The following CTNNA3 variants were observed in gnomAD, a reference collection of about 807,000 sequenced individuals.
CTNNA3 encodes catenin alpha 3, also known as catenin alpha-3.
In CTNNA3, 76 loss-of-function variants were observed where a neutral mutation model predicts 95.7. That is an observed-to-expected ratio of 0.79 (90% CI 0.66 to 0.96). The LOEUF is 0.96. Among genes scored for constraint, CTNNA3 ranks in the 40% least tolerant of loss-of-function variants. The pLI is 0.00. For synonymous variants in CTNNA3, 431 were observed against 374.4 expected (o/e 1.15, Z -1.74); for missense variants, 1,191 against 1,089.8 (o/e 1.09, Z -1.31).
chr10:66,420,256 A>G (rs2093180268), intron 11 of CTNNA3, among the ~76,000 whole-genome samples: 1 of 152,170 alleles, frequency 6.6e-6, no homozygotes. Context: ...AGACATGCAA[A>G]TGGCCAACAG....
intron 12 of CTNNA3, among the ~76,000 whole-genome samples, chr10:66,309,906 AAAATAAATAAATAAATAAATAAAT>A (rs140451350): frequency 5.9e-5 from 8 of 135,850 alleles, no homozygotes; most frequent in Non-Finnish European, 7.8e-5. Flanking sequence ...AAAGATACAA[AAAATAAATAAATAAATAAATAAAT>A]AAATAAATAA....
intron 12 of CTNNA3, among the ~76,000 whole-genome samples, chr10:66,345,154 A>G (rs2092495337): frequency 6.6e-6 from 1 of 152,040 alleles, no homozygotes; most frequent in African/African-American, 2.4e-5. Flanking sequence ...CTGAACTACA[A>G]ATGCTGCTGT....
intron 15 of CTNNA3, among the ~76,000 whole-genome samples, chr10:65,993,691 C>CTTTTGG (rs745901311): frequency 7.2e-4 from 110 of 152,180 alleles, no homozygotes; most frequent in Non-Finnish European, 1.5e-3. Context: ...GTGGTCCTTG[C>CTTTTGG]TTTTGGTTTT....
intron 3 of CTNNA3, among the ~76,000 whole-genome samples, chr10:67,588,431 A>C (rs1360657467): frequency 2.0e-5 from 3 of 151,886 alleles, no homozygotes; most frequent in Non-Finnish European, 4.4e-5. Flanking sequence ...GTGTGTGTGC[A>C]GTAGTGAAGT....
At chr10:67,268,628 G>A (rs1454863925) in intron 5 of CTNNA3, among the ~76,000 whole-genome samples, 3 of 152,118 alleles carry the variant, frequency 2.0e-5, no homozygotes, top group Non-Finnish European at 2.9e-5. Flanking sequence ...ATTATAAAGC[G>A]TAAATTACTT....
At chr10:66,170,945 C>A (rs559850738) in intron 13 of CTNNA3, among the ~76,000 whole-genome samples, 135 of 151,120 alleles carry the variant, frequency 8.9e-4, no homozygotes, top group African/African-American at 3.2e-3. Flanking sequence ...ACCACCCCAG[C>A]CAACATGGTG....
In CTNNA3 at chr10:65,919,300, A is replaced by G. The variant is rs1463214934; in HGVS notation, c.*1030T>C. The G allele has an allele frequency of 6.6e-6, 1 of 152,212 alleles. No individual in the cohort carries two copies. The highest frequency in any genetic ancestry group is 1.5e-5 in the Non-Finnish European group (1 of 68,024). 9.4% of individuals were successfully genotyped at this position (152,212 alleles called of 1,614,324 possible). On this transcript the variant is annotated 3_prime_UTR_variant, in exon 18 of 18. Transcript: ENST00000433211. ...AGTGACTTTTATTTAAAAGAACGTT[A>G]TTAAAATCACTCCAGCTTCATTGCC...
At chr10:67,141,298 C>CT (rs1158240482) in intron 7 of CTNNA3, among the ~76,000 whole-genome samples, 1 of 112,326 alleles carries the variant, frequency 8.9e-6, no homozygotes, top group African/African-American at 3.5e-5. Flanking sequence ...CAAAGGCACT[C>CT]TAAGATTTTT....
At chr10:66,524,476 C>T (rs1352610204) in intron 10 of CTNNA3, among the ~76,000 whole-genome samples, 3 of 150,950 alleles carry the variant, frequency 2.0e-5, no homozygotes, top group Admixed American at 6.7e-5. Context: ...TAGGCAGGTA[C>T]CCAATTCAAG....
At position 67,001,539 on chromosome 10, in the gene CTNNA3, T is replaced by C. The variant is rs555990699; in HGVS notation, c.1047+178778A>G. ...TATAGAATTTTTCACCAGCTTGAAG[T>C]AAAACTTTCTAATTATTTTAAAAAA... On this transcript the variant is annotated intron_variant, in intron 7 of 17. Coordinates refer to ENST00000433211, the MANE Select transcript of CTNNA3 (RefSeq NM_013266.4). Among the ~76,000 whole-genome samples, 669 of 151,574 alleles carry C rather than the reference T, an allele frequency of 4.4e-3. 5 individuals carry two copies. The highest frequency in any genetic ancestry group is 0.016 in the African/African-American group (637 of 41,060).
chr10:67,745,604 T>A (rs1002223259), intron 1 of CTNNA3, among the ~76,000 whole-genome samples: 2 of 151,594 alleles, frequency 1.3e-5, no homozygotes, highest in Non-Finnish European at 2.9e-5. Flanking sequence ...GGCACATATA[T>A]ACATATGTAA....
chr10:66,239,545 CAA>C (rs993444241), intron 13 of CTNNA3, among the ~76,000 whole-genome samples: 4 of 151,888 alleles, frequency 2.6e-5, no homozygotes. Flanking sequence ...TCAACAAAAA[CAA>C]AAGCACTTTA....
chr10:66,443,887 G>T (rs2093396045), intron 11 of CTNNA3, among the ~76,000 whole-genome samples: 1 of 152,088 alleles, frequency 6.6e-6, no homozygotes, highest in Admixed American at 6.5e-5. Flanking sequence ...AGCTACAGGA[G>T]GAAATTCAAA....
chr10:66,362,194 C>T (rs1314839644), intron 12 of CTNNA3, among the ~76,000 whole-genome samples: 1 of 144,466 alleles, frequency 6.9e-6, no homozygotes, highest in Non-Finnish European at 1.5e-5. Context: ...CCTCCGCCTT[C>T]TGGGTTCAAG....
At chr10:66,511,649 A>G (rs1323800174) in intron 11 of CTNNA3, among the ~76,000 whole-genome samples, 1 of 151,572 alleles carries the variant, frequency 6.6e-6, no homozygotes, top group Non-Finnish European at 1.5e-5. Flanking sequence ...ATGTTGTTTA[A>G]TTTTTATGTA....
intron 10 of CTNNA3, among the ~76,000 whole-genome samples, chr10:66,534,633 C>A (rs559350816): frequency 1.9e-3 from 291 of 149,830 alleles, no homozygotes; most frequent in African/African-American, 6.8e-3. Context: ...ATAGTTTGGG[C>A]AACCCAATCT....
intron 7 of CTNNA3, among the ~76,000 whole-genome samples, chr10:66,953,196 TTC>T (rs1165682048): frequency 6.6e-6 from 1 of 152,184 alleles, no homozygotes; most frequent in African/African-American, 2.4e-5. Flanking sequence ...CTCAAGATCT[TTC>T]TGACTTTTGT....
intron 14 of CTNNA3, among the ~76,000 whole-genome samples, chr10:66,090,127 T>C (rs1337866521): frequency 1.3e-5 from 2 of 152,000 alleles, no homozygotes; most frequent in Non-Finnish European, 2.9e-5. Context: ...TGAGCTGCAG[T>C]TTGAAACTGG....
chr10:67,519,806 A>G (rs898260572), intron 5 of CTNNA3, among the ~76,000 whole-genome samples: 2 of 152,192 alleles, frequency 1.3e-5, no homozygotes, highest in Non-Finnish European at 2.9e-5. Context: ...TAAACTGGCA[A>G]TTTTACAGAG....
Sources: allele counts gnomAD v4.1 joint callset (sites outside exome capture counted in the v4.1 genomes callset), GRCh38; gene constraint gnomAD v4.1.1; transcripts MANE v1.5; gene names NCBI Gene and HGNC (gene_info 2026-07-23, HGNC 2026-07-21).